ZBTB25: variants seen among roughly 807,000 people sequenced by gnomAD.
The protein encoded by ZBTB25 is zinc finger and BTB domain-containing protein 25.
Under a neutral mutation model 34.2 loss-of-function variants are expected in ZBTB25, and 20 were observed. The observed-to-expected ratio is 0.58, with a 90% CI of 0.41 to 0.85. The LOEUF is 0.85. Among genes scored for constraint, ZBTB25 ranks in the 40% least tolerant of loss-of-function variants. The pLI, the probability that ZBTB25 is intolerant of heterozygous loss-of-function variation, is 0.00. For missense variants in ZBTB25, 437 were observed against 521.8 expected, an observed-to-expected ratio of 0.84 and a Z score of 1.58; for synonymous variants, 175 against 186.4, an observed-to-expected ratio of 0.94 and a Z score of 0.50.
At chr14:64,465,047 G>A (rs948651789) in intron 2 of ZBTB25, among the ~76,000 whole-genome samples, 4 of 152,164 alleles carry the variant, frequency 2.6e-5, no homozygotes, top group Non-Finnish European at 4.4e-5. Context: ...ACATGACCTC[G>A]CTATTCTATG....
intron 2 of ZBTB25, chr14:64,467,186 G>A (rs776919108): frequency 6.6e-6 from 1 of 152,158 alleles, no homozygotes; most frequent in Non-Finnish European, 1.5e-5. Context: ...CCCAGTTTCA[G>A]AACATAAGCT....
intron 1 of ZBTB25, among the ~76,000 whole-genome samples, chr14:64,491,485 A>C (rs888852707): frequency 6.6e-5 from 10 of 151,838 alleles, no homozygotes; most frequent in African/African-American, 2.4e-4. Flanking sequence ...CACACACACA[A>C]AAGAAAGAAC....
intron 2 of ZBTB25, among the ~76,000 whole-genome samples, chr14:64,459,188 A>G (rs1352058423): frequency 6.6e-6 from 1 of 152,170 alleles, no homozygotes; most frequent in East Asian, 1.9e-4. Context: ...TCTCTTCCTA[A>G]GAAGTTATTT....
At chr14:64,469,771 T>C (rs991751607) in intron 2 of ZBTB25, 6 of 925,168 alleles carry the variant, frequency 6.5e-6, no homozygotes, top group African/African-American at 1.7e-5. Context: ...AAATGAGAGA[T>C]TTATCATCTC....
At chr14:64,499,058 T>C (rs1325428307) in intron 1 of ZBTB25, among the ~76,000 whole-genome samples, 1 of 152,164 alleles carries the variant, frequency 6.6e-6, no homozygotes, top group East Asian at 1.9e-4. Context: ...ACAATTACAT[T>C]GATATTTAAG....
chr14:64,489,472 T>C (rs2078997438), intron 2 of ZBTB25, among the ~76,000 whole-genome samples: 1 of 152,080 alleles, frequency 6.6e-6, no homozygotes, highest in African/African-American at 2.4e-5. Context: ...ATTTACATTA[T>C]AGGGCAAATA....
chr14:64,469,357 G>A (rs1039071132), intron 2 of ZBTB25: 1 of 1,613,916 alleles, frequency 6.2e-7, no homozygotes, highest in Non-Finnish European at 8.5e-7. Context: ...AAGAAAATGG[G>A]ATCACTGAAG....
rs1362296236 is a variant in ZBTB25, at chr14:64,486,831, T to C, written c.*92A>G. On this transcript the variant is annotated 3_prime_UTR_variant, in exon 3 of 3. Transcript: ENST00000608382. The stretch of plus-strand genomic sequence containing the variant: ...ATAAGCTGTGAAGAAAAAAAGTCAA[T>C]GAAACTTGAGGAGGAAAATAATTTA... The C allele has an allele frequency of 2.1e-6, 3 of 1,461,242 alleles. No individual in the cohort carries two copies. Among genetic ancestry groups the C allele is most frequent in the Non-Finnish European group, 1.8e-6 (2 of 1,109,922 alleles). The allele number at this position is 1,461,242 out of a possible 1,614,324, so 90.5% of individuals were successfully genotyped here.
At chr14:64,500,475 A>AAAAAAGAG (rs35009526) in intron 1 of ZBTB25, among the ~76,000 whole-genome samples, 1 of 70,526 alleles carries the variant, frequency 1.4e-5, no homozygotes, top group African/African-American at 3.7e-5. Context: ...AAAAAAAAAA[A>AAAAAAGAG]AGAGAGAGAG....
rs2078640017 is a variant in ZBTB25, at chr14:64,469,022, A to T, written c.174-19384T>A. 1 of 1,614,250 alleles carries T rather than the reference A, an allele frequency of 6.2e-7. No homozygotes were observed. Among genetic ancestry groups the T allele is most frequent in the Non-Finnish European group, 8.5e-7 (1 of 1,180,040 alleles). ...TAGCACAACTTCTGGAGAGAAAGTG[A>T]TTTCAGTAGAACTTGGATTAGATAA... is the stretch of plus-strand genomic sequence containing the variant. On this transcript the variant is annotated intron_variant, in intron 2 of 2. Transcript: ENST00000555220.
At chr14:64,503,396 C>G (rs1310526062) in intron 1 of ZBTB25, 1 of 985,442 alleles carries the variant, frequency 1.0e-6, no homozygotes, top group East Asian at 1.1e-4. Flanking sequence ...CGCGGCACCC[C>G]GTGTGCCACC....
chr14:64,490,795 T>C (rs2079050172), intron 1 of ZBTB25, among the ~76,000 whole-genome samples: 1 of 152,216 alleles, frequency 6.6e-6, no homozygotes, highest in Non-Finnish European at 1.5e-5. Flanking sequence ...GGTAAGAAGA[T>C]AGCTTGGTAT....
At chr14:64,461,358 G>A (rs970847181) in intron 2 of ZBTB25, 1 of 152,286 alleles carries the variant, frequency 6.6e-6, no homozygotes, top group Non-Finnish European at 1.5e-5. Context: ...CTATGGCAGA[G>A]AGCCTCACCC....
At chr14:64,468,994 C>A (rs1228407110) in intron 2 of ZBTB25, 9 of 1,614,006 alleles carry the variant, frequency 5.6e-6, no homozygotes, top group Non-Finnish European at 7.6e-6. Flanking sequence ...CAAATGTGAG[C>A]AATAGCACAA....
chr14:64,457,955 A>G, intron 2 of ZBTB25: 1 of 572,172 alleles, frequency 1.7e-6, no homozygotes, highest in Non-Finnish European at 3.1e-6. Flanking sequence ...CAATCGGATG[A>G]TCATGGCTCA....
chr14:64,470,655 T>C (rs1410620804), intron 2 of ZBTB25: 1 of 165,416 alleles, frequency 6.0e-6, no homozygotes, highest in African/African-American at 2.4e-5. Flanking sequence ...TGTTACTAAG[T>C]GCAAAAGTGT....
At chr14:64,454,717 C>T in intron 2 of ZBTB25, 1 of 1,612,322 alleles carries the variant, frequency 6.2e-7, no homozygotes. Flanking sequence ...TCCCTTCTTT[C>T]CCCAGGGCTT....
At chr14:64,493,122 G>A (rs930334919) in intron 1 of ZBTB25, among the ~76,000 whole-genome samples, 6 of 152,170 alleles carry the variant, frequency 3.9e-5, no homozygotes, top group South Asian at 2.1e-4. Context: ...AATGAAATGT[G>A]GTCAGTTCAA....
In ZBTB25 at chr14:64,490,363, T is replaced by C. The variant is rs763045308; in HGVS notation, c.171A>G (p.Thr57=). Residue 57 remains threonine (T), a splice_region_variant and synonymous_variant, in exon 2 of 3, where the codon ACA becomes ACG. Transcript: ENST00000608382. The part of the protein sequence containing the change: ...NYFKMIFIHQ[T]SECIKIQPTD... The stretch of plus-strand genomic sequence containing the variant: ...TATTTACAAAAACACATCCTTACCT[T>C]GTTTGGTGAATAAATATCATCTTGA... 40 of 1,584,880 alleles carry C rather than the reference T, an allele frequency of 2.5e-5. No homozygotes were observed. In the South Asian group the frequency reaches 4.6e-4, roughly 18 times the overall value.
Sources: allele counts gnomAD v4.1 joint callset (sites outside exome capture counted in the v4.1 genomes callset), GRCh38; gene constraint gnomAD v4.1.1; transcripts MANE v1.5; gene names NCBI Gene and HGNC (gene_info 2026-07-23, HGNC 2026-07-21).